CD274: variants seen among roughly 807,000 people sequenced by gnomAD.
The protein encoded by CD274 is CD274 molecule.
In CD274, 8 loss-of-function variants were observed where a neutral mutation model predicts 30.1. The ratio of observed to expected loss-of-function variants is 0.27; its 90% CI spans 0.16 to 0.48. CD274 has a LOEUF of 0.48. Ranked by LOEUF, CD274 falls within the 20% of genes least tolerant of loss-of-function variation. CD274 has a pLI of 0.99. For missense variants in CD274, 353 were observed against 346.6 expected, an observed-to-expected ratio of 1.02 and a Z score of -0.15; for synonymous variants, 152 against 124.6, an observed-to-expected ratio of 1.22 and a Z score of -1.46.
chr9:5,459,687 A>G (rs1386915171), intron 3 of CD274, among the ~76,000 whole-genome samples: 1 of 152,236 alleles, frequency 6.6e-6, no homozygotes, highest in Non-Finnish European at 1.5e-5. Context: ...GTGAGTTTAA[A>G]TGCCAGACTC....
At chr9:5,455,303 T>G (rs1349733252) in intron 1 of CD274, among the ~76,000 whole-genome samples, 2 of 152,170 alleles carry the variant, frequency 1.3e-5, no homozygotes, top group African/African-American at 4.8e-5. Flanking sequence ...ACTTCCGTAT[T>G]CCTCATGCTT....
In CD274 at chr9:5,457,431, T is replaced by G; in HGVS notation, c.394+11T>G. 1 of 1,603,544 alleles carries G rather than the reference T, an allele frequency of 6.2e-7. No homozygotes were observed. Among genetic ancestry groups the G allele is most frequent in the Non-Finnish European group, 8.5e-7 (1 of 1,170,858 alleles). ...CTGTGAAAGTCAATGGTAAGAATTATTATAGATGAGAGGCCTGATCTTTAT... is the reference window on the plus strand; with the variant it reads ...CTGTGAAAGTCAATGGTAAGAATTAGTATAGATGAGAGGCCTGATCTTTAT... On this transcript the variant is annotated intron_variant, in intron 3 of 6. Transcript: ENST00000381577.
chr9:5,465,043 C>A (rs140009874), intron 4 of CD274, among the ~76,000 whole-genome samples: 14 of 149,698 alleles, frequency 9.4e-5, no homozygotes, highest in Non-Finnish European at 2.1e-4. Flanking sequence ...GCCCAGATTG[C>A]GCCACTGCAC....
intron 6 of CD274, 96 bp downstream of exon 6, chr9:5,466,925 C>T (rs1210509996): frequency 1.1e-6 from 1 of 871,320 alleles, no homozygotes; most frequent in African/African-American, 1.7e-5. Flanking sequence ...ATCTCCTCTC[C>T]TTTTAAAGAA....
At position 5,468,478 on chromosome 9, in the gene CD274, G is replaced by C. The variant is rs977556635; in HGVS notation, c.*616G>C. 4.3e-6 allele frequency: 1 copy of C among 233,094 alleles called. No individual in the cohort carries two copies. Among genetic ancestry groups the C allele is most frequent in the African/African-American group, 2.2e-5 (1 of 45,324 alleles). 14.4% of individuals were successfully genotyped at this position (233,094 alleles called of 1,614,324 possible). A position where few individuals can be genotyped will look rare whatever the true frequency, so the allele number is the denominator to read the frequency against. ...CTAGTAAAACATGGAGTATTTGTAAGGTGCTTGGTCTCCTCTATAACTACA... is the reference window on the plus strand; with the variant it reads ...CTAGTAAAACATGGAGTATTTGTAACGTGCTTGGTCTCCTCTATAACTACA... On this transcript the variant is annotated 3_prime_UTR_variant, in exon 7 of 7. Coordinates refer to ENST00000381577, the MANE Select transcript of CD274 (RefSeq NM_014143.4).
At chr9:5,461,875 G>T (rs761576533) in intron 3 of CD274, among the ~76,000 whole-genome samples, 1 of 152,022 alleles carries the variant, frequency 6.6e-6, no homozygotes, top group Non-Finnish European at 1.5e-5. Flanking sequence ...GCATTTAAAA[G>T]CTTAAAATGT....
intron 2 of CD274, among the ~76,000 whole-genome samples, 169 bp downstream of exon 2, chr9:5,456,334 TAA>T (rs1180741520): frequency 2.6e-5 from 4 of 152,230 alleles, no homozygotes; most frequent in African/African-American, 9.6e-5. Flanking sequence ...TACGCAATGA[TAA>T]AGTTACCTGT....
chr9:5,462,946 C>T lies in CD274; in HGVS notation c.507C>T (p.Ser169=), dbSNP rs907215963. 8 of 1,613,970 alleles carry T rather than the reference C, an allele frequency of 5.0e-6. No individual in the cohort carries two copies. The African/African-American group carries it at 5.3e-5, about 11-fold the overall frequency. Residue 169 remains serine, a synonymous_variant, in exon 4 of 7, where the codon AGC becomes AGT. Coordinates refer to ENST00000381577, the MANE Select transcript of CD274 (RefSeq NM_014143.4). The stretch of plus-strand genomic sequence containing the variant: ...CCAAGGCCGAAGTCATCTGGACAAG[C>T]AGTGACCATCAAGTCCTGAGTGGTA... The part of the protein sequence containing the change: ...GYPKAEVIWT[S]SDHQVLSGKT...
At chr9:5,454,170 C>G (rs1307858079) in intron 1 of CD274, among the ~76,000 whole-genome samples, 5 of 152,102 alleles carry the variant, frequency 3.3e-5, no homozygotes, top group African/African-American at 1.2e-4. Flanking sequence ...TGAAGTGATT[C>G]ATGAAATTTT....
intron 1 of CD274, among the ~76,000 whole-genome samples, chr9:5,454,798 A>G (rs893421836): frequency 6.6e-6 from 1 of 152,214 alleles, no homozygotes; most frequent in African/African-American, 2.4e-5. Context: ...ATTTGTTCAT[A>G]TCTTCACAAA....
chr9:5,460,537 T>G (rs935620448), intron 3 of CD274, among the ~76,000 whole-genome samples: 4 of 152,152 alleles, frequency 2.6e-5, no homozygotes, highest in African/African-American at 4.8e-5. Context: ...ATTCCCATTT[T>G]AAGGATGAGG....
At chr9:5,466,246 T>C (rs956918827) in intron 5 of CD274, among the ~76,000 whole-genome samples, 2 of 152,168 alleles carry the variant, frequency 1.3e-5, no homozygotes, top group Non-Finnish European at 2.9e-5. Context: ...GGGATTCCAA[T>C]AGTCGTTGAA....
intron 2 of CD274, 50 bp from the exon 3 acceptor site, chr9:5,457,029 T>G (rs954394091): frequency 7.6e-7 from 1 of 1,315,180 alleles, no homozygotes; most frequent in African/African-American, 1.5e-5. Flanking sequence ...ATTTTGTAAA[T>G]GTTTCGAGGA....
intron 1 of CD274, among the ~76,000 whole-genome samples, chr9:5,455,434 G>A (rs1372404444): frequency 6.6e-6 from 1 of 152,132 alleles, no homozygotes; most frequent in East Asian, 1.9e-4. Context: ...CTGGAAGAGT[G>A]GCTGTGAGTC....
Position 5,468,901 on chromosome 9 carries a change from G to C in CD274, c.*1039G>C, listed in dbSNP as rs192397580. 7 of 233,130 alleles carry C rather than the reference G, an allele frequency of 3.0e-5. No homozygotes were observed. The Admixed American group carries it at 3.4e-4, about 11-fold the overall frequency. 14.4% of individuals were successfully genotyped at this position (233,130 alleles called of 1,614,324 possible). ...AAGTGCCCTTGCAATATCAATCGCT[G>C]TGCCAGGCATTGAATCTACAGATGT... On this transcript the variant is annotated 3_prime_UTR_variant, in exon 7 of 7. Transcript: ENST00000381577.
intron 4 of CD274, among the ~76,000 whole-genome samples, chr9:5,465,089 A>G (rs1819474353): frequency 1.3e-5 from 2 of 150,556 alleles, no homozygotes; most frequent in Non-Finnish European, 3.0e-5. Context: ...TCTGCCTCAA[A>G]AAAAAAAAAA....
At chr9:5,467,679 T>C (rs1374439826) in intron 6 of CD274, among the ~76,000 whole-genome samples, 161 bp from the exon 7 acceptor site, 1 of 152,180 alleles carries the variant, frequency 6.6e-6, no homozygotes, top group South Asian at 2.1e-4. Context: ...CAGGATATCA[T>C]GTAAGGATAA....
At chr9:5,456,993 T>C (rs1819315387) in intron 2 of CD274, 86 bp from the exon 3 acceptor site, 6 of 856,092 alleles carry the variant, frequency 7.0e-6, no homozygotes, top group Non-Finnish European at 1.1e-5. Flanking sequence ...ACCGACCAGA[T>C]AAAGTGATTT....
chr9:5,462,729 G>A (rs1435673500), intron 3 of CD274, 105 bp from the exon 4 acceptor site: 2 of 1,072,438 alleles, frequency 1.9e-6, no homozygotes, highest in African/African-American at 1.6e-5. Flanking sequence ...ATATCCCTCT[G>A]AGAACCAGCC....
Sources: gnomAD v4.1 joint callset for allele counts (sites outside exome capture counted in the v4.1 genomes callset) on GRCh38, gnomAD v4.1.1 for gene constraint, MANE v1.5 for transcripts, NCBI Gene and HGNC (gene_info 2026-07-23, HGNC 2026-07-21) for gene names.